Variants in SIN3A observed in about 807,000 individuals in gnomAD.
SIN3A encodes SIN3 transcription regulator family member A, also known as paired amphipathic helix protein Sin3a.
In SIN3A, 14 loss-of-function variants were observed where a neutral mutation model predicts 146.1. The observed-to-expected ratio is 0.10, with a 90% CI of 0.06 to 0.15. The LOEUF is 0.15. SIN3A is among the 10% of genes least tolerant of loss of function. The pLI, the probability that SIN3A is intolerant of heterozygous loss-of-function variation, is 1.00. For missense variants in SIN3A, 1,028 were observed against 1,576.0 expected (o/e 0.65, Z 5.89); for synonymous variants, 572 against 572.0 (o/e 1.00, Z 0.00).
chr15:75,389,472 T>C (rs138828220), intron 16 of SIN3A, among the ~76,000 whole-genome samples, 180 bp downstream of exon 16: 21 of 152,264 alleles, frequency 1.4e-4, no homozygotes, highest in East Asian at 1.4e-3. Context: ...GGCAGGCTCA[T>C]ACACTGCAAC....
At chr15:75,416,712 C>T (rs2073743743) in intron 3 of SIN3A, among the ~76,000 whole-genome samples, 1 of 152,218 alleles carries the variant, frequency 6.6e-6, no homozygotes, top group Non-Finnish European at 1.5e-5. Flanking sequence ...ACATCCTGTT[C>T]TCCCTCCCCA....
intron 9 of SIN3A, among the ~76,000 whole-genome samples, chr15:75,403,078 G>A (rs753787675): frequency 3.9e-5 from 6 of 152,212 alleles, no homozygotes; most frequent in Non-Finnish European, 7.3e-5. Context: ...AACCGCTAAA[G>A]CTGGATGGTA....
intron 16 of SIN3A, among the ~76,000 whole-genome samples, chr15:75,387,337 C>T (rs920248959): frequency 6.6e-6 from 1 of 151,872 alleles, no homozygotes; most frequent in Non-Finnish European, 1.5e-5. Flanking sequence ...CCAGCCTGGA[C>T]AACATGGCAA....
chr15:75,454,659 C>T (rs916241945), upstream of SIN3A, among the ~76,000 whole-genome samples: 30 of 151,960 alleles, frequency 2.0e-4, no homozygotes, highest in Non-Finnish European at 4.0e-4. Context: ...TTCAGGCCAC[C>T]CCCTCGTGGG....
chr15:75,379,698 A>G (rs367668243), intron 19 of SIN3A, among the ~76,000 whole-genome samples: 23 of 152,344 alleles, frequency 1.5e-4, no homozygotes, highest in African/African-American at 5.5e-4. Flanking sequence ...CTGGGATGAT[A>G]CTTTCTTGGA....
intron 14 of SIN3A, among the ~76,000 whole-genome samples, chr15:75,393,623 C>A (rs144924141): frequency 1.3e-5 from 2 of 152,296 alleles, no homozygotes; most frequent in East Asian, 1.9e-4. Context: ...TATCTGTCCA[C>A]CTCAGCCTCC....
chr15:75,374,047 C>A (rs886290098), intron 20 of SIN3A, among the ~76,000 whole-genome samples: 5 of 152,186 alleles, frequency 3.3e-5, no homozygotes, highest in African/African-American at 1.2e-4. Flanking sequence ...ACCTCATAAC[C>A]CTTTCCTATT....
chr15:75,390,764 A>G (rs1364638902), intron 15 of SIN3A, among the ~76,000 whole-genome samples: 3 of 152,080 alleles, frequency 2.0e-5, no homozygotes, highest in South Asian at 2.1e-4. Flanking sequence ...TTTTGTAGAG[A>G]TGGGGTCTCA....
At chr15:75,452,322 G>A (rs886493555), upstream of SIN3A, among the ~76,000 whole-genome samples, 1 of 152,202 alleles carries the variant, frequency 6.6e-6, no homozygotes, top group African/African-American at 2.4e-5. Flanking sequence ...TTACACTAGA[G>A]ACTGAAGCTC....
chr15:75,403,249 C>T (rs1194608403), intron 9 of SIN3A, among the ~76,000 whole-genome samples: 1 of 151,478 alleles, frequency 6.6e-6, no homozygotes, highest in Admixed American at 6.6e-5. Context: ...ATAGTGAAAC[C>T]CCATTCTACT....
intron 9 of SIN3A, among the ~76,000 whole-genome samples, chr15:75,406,694 AAAGATTAC>A (rs2073523326): frequency 6.6e-6 from 1 of 152,364 alleles, no homozygotes; most frequent in Non-Finnish European, 1.5e-5. Flanking sequence ...TCAAAAAAAA[AAAGATTAC>A]AAGTCATCTT....
intron 19 of SIN3A, chr15:75,376,207 G>A (rs2072852485): frequency 5.9e-6 from 2 of 340,390 alleles, no homozygotes; most frequent in South Asian, 7.0e-5. Context: ...GACAAAATAG[G>A]ATCATACTAT....
intron 12 of SIN3A, among the ~76,000 whole-genome samples, chr15:75,396,800 G>A (rs1412559793): frequency 2.6e-5 from 4 of 152,080 alleles, no homozygotes. Flanking sequence ...CGCTGCTGCC[G>A]CCACCACCAC....
At chr15:75,376,408 C>T (rs2072856046) in intron 19 of SIN3A, 1 of 160,538 alleles carries the variant, frequency 6.2e-6, no homozygotes, top group Non-Finnish European at 1.4e-5. Context: ...TTTAAAAATT[C>T]CCCCAGATGA....
chr15:75,400,890 T>G lies in SIN3A; in HGVS notation c.1577A>C (p.Glu526Ala), dbSNP rs2073399566. The G allele has an allele frequency of 1.9e-6, 3 of 1,613,992 alleles. No homozygotes were observed. The highest frequency in any genetic ancestry group is 2.5e-6 in the Non-Finnish European group (3 of 1,180,032). Residue 526 changes from glutamate to alanine, a missense_variant, in exon 11 of 21, where the codon GAG (glutamate) becomes GCG (alanine). Transcript: ENST00000394947. ...TGGATAAGTTTCCAGATGTACAGACTCCTTATAGCCCAGAAAGTTTTTAAA... is the reference window on the plus strand; with the variant it reads ...TGGATAAGTTTCCAGATGTACAGACGCCTTATAGCCCAGAAAGTTTTTAAA... ...NWFKNFLGYK[E>A]SVHLETYPKE...
chr15:75,393,959 C>A lies in SIN3A; in HGVS notation c.2277+721G>T, dbSNP rs193120170. Among the ~76,000 whole-genome samples the A allele has an allele frequency of 5.9e-5, 9 of 152,188 alleles. No individual in the cohort carries two copies. The East Asian group carries it at 1.7e-3, about 29-fold the overall frequency. ...AGTAGCTGGGACTACAGGTGCACAC[C>A]ACCACGCCTGGCTAATTTTTGTATT... On this transcript the variant is annotated intron_variant, in intron 14 of 20. Coordinates refer to ENST00000394947, the MANE Select transcript of SIN3A (RefSeq NM_001145358.2).
intron 1 of SIN3A, among the ~76,000 whole-genome samples, chr15:75,432,508 G>A (rs1300427075): frequency 6.6e-6 from 1 of 151,542 alleles, no homozygotes; most frequent in Non-Finnish European, 1.5e-5. Context: ...CCAACATGGT[G>A]AAACCCTGTC....
At chr15:75,445,008 T>C (rs2074279930) in intron 1 of SIN3A, among the ~76,000 whole-genome samples, 1 of 152,048 alleles carries the variant, frequency 6.6e-6, no homozygotes, top group South Asian at 2.1e-4. Context: ...GGCAGGTGGA[T>C]TGCTTGAGTC....
At chr15:75,412,394 A>G (rs1385134600) in intron 5 of SIN3A, among the ~76,000 whole-genome samples, 1 of 152,232 alleles carries the variant, frequency 6.6e-6, no homozygotes, top group South Asian at 2.1e-4. Context: ...AGTTAGTGAA[A>G]TAACTTTCAT....
Sources: gnomAD v4.1 joint callset for allele counts (sites outside exome capture counted in the v4.1 genomes callset) on GRCh38, gnomAD v4.1.1 for gene constraint, MANE v1.5 for transcripts, NCBI Gene and HGNC (gene_info 2026-07-23, HGNC 2026-07-21) for gene names.